Variants in MARCHF1 observed in about 807,000 individuals in gnomAD.
The protein encoded by MARCHF1 is membrane associated ring-CH-type finger 1, also known as E3 ubiquitin-protein ligase MARCHF1.
A neutral mutation model predicts 54.2 loss-of-function variants in MARCHF1; 40 were observed. The observed-to-expected ratio is 0.74, with a 90% CI of 0.57 to 0.96. MARCHF1 has a LOEUF of 0.96. Ranked by LOEUF, MARCHF1 falls within the 40% of genes least tolerant of loss-of-function variation. MARCHF1 has a pLI of 0.00. For synonymous variants in MARCHF1, 236 were observed against 236.3 expected (o/e 1.00, Z 0.01); for missense variants, 586 against 656.5 (o/e 0.89, Z 1.17).
intron 1 of MARCHF1, among the ~76,000 whole-genome samples, chr4:164,366,303 A>T (rs1485319750): frequency 6.6e-6 from 1 of 152,096 alleles, no homozygotes; most frequent in Non-Finnish European, 1.5e-5. Flanking sequence ...ATGCAGATAC[A>T]AACATAGTCC....
chr4:164,375,556 C>G (rs917070402), intron 1 of MARCHF1, among the ~76,000 whole-genome samples: 11 of 152,150 alleles, frequency 7.2e-5, no homozygotes, highest in African/African-American at 2.7e-4. Context: ...GTTCATAACT[C>G]TTAATATTTG....
intron 1 of MARCHF1, among the ~76,000 whole-genome samples, chr4:164,346,111 G>T (rs1233353435): frequency 6.6e-6 from 1 of 152,154 alleles, no homozygotes; most frequent in Non-Finnish European, 1.5e-5. Flanking sequence ...TGCAGCTTAT[G>T]ACCACATTAT....
intron 3 of MARCHF1, among the ~76,000 whole-genome samples, chr4:163,974,333 T>C (rs1752607720): frequency 1.3e-5 from 2 of 152,142 alleles, no homozygotes; most frequent in Admixed American, 1.3e-4. Context: ...CATTAAGAAA[T>C]TGGACTATTC....
intron 9 of MARCHF1, among the ~76,000 whole-genome samples, chr4:163,531,550 C>T (rs1007281906): frequency 2.6e-5 from 4 of 151,838 alleles, no homozygotes; most frequent in Non-Finnish European, 4.4e-5. Flanking sequence ...CAAGGATGTT[C>T]CTTCTTACCA....
In MARCHF1 at chr4:163,963,450, T is replaced by C. The variant is rs183486168; in HGVS notation, c.-39+25051A>G. Among the ~76,000 whole-genome samples, 13 of 152,026 alleles carry C rather than the reference T, an allele frequency of 8.6e-5. No individual in the cohort carries two copies. In the East Asian group the frequency reaches 2.1e-3, roughly 25 times the overall value. The stretch of plus-strand genomic sequence containing the variant: ...TACTATTCTCCTTAGTGAATTACAG[T>C]TTATAAAGGGAAGTTTTATGGATCA... On this transcript the variant is annotated intron_variant, in intron 3 of 9. Coordinates refer to ENST00000514618, the MANE Select transcript of MARCHF1 (RefSeq NM_001394959.1).
intron 2 of MARCHF1, among the ~76,000 whole-genome samples, chr4:164,009,762 A>G (rs1439351520): frequency 6.6e-6 from 1 of 152,134 alleles, no homozygotes; most frequent in Non-Finnish European, 1.5e-5. Flanking sequence ...GTAAAGAAAA[A>G]AAAAGCTCTC....
chr4:163,670,176 T>C (rs1211101027), intron 5 of MARCHF1, among the ~76,000 whole-genome samples: 1 of 152,050 alleles, frequency 6.6e-6, no homozygotes, highest in East Asian at 1.9e-4. Flanking sequence ...AAATATGATA[T>C]AAAATTAGGG....
intron 5 of MARCHF1, among the ~76,000 whole-genome samples, chr4:163,618,038 C>G (rs1246952305): frequency 6.6e-6 from 1 of 152,186 alleles, no homozygotes. Context: ...TTTCTGTCCA[C>G]CATCACAGTG....
rs79875532 is a variant in MARCHF1 at position 163,582,445 on chromosome 4, T to A, written c.1191+3304A>T. On this transcript the variant is annotated intron_variant, in intron 8 of 9. Transcript: ENST00000514618. ...GATTTTGGTGGAGTAAGAGTTGCAA[T>A]TAATGAGGTAACATTTTGCTGATAT... Among the ~76,000 whole-genome samples, 319 of 152,336 alleles carry A rather than the reference T, an allele frequency of 2.1e-3. 2 individuals are homozygous for A. Among genetic ancestry groups the A allele is most frequent in the African/African-American group, 7.3e-3 (305 of 41,580 alleles).
intron 2 of MARCHF1, among the ~76,000 whole-genome samples, chr4:164,034,763 T>G (rs891435189): frequency 1.3e-5 from 2 of 152,196 alleles, no homozygotes; most frequent in African/African-American, 4.8e-5. Context: ...GCCCAATATA[T>G]GTTTTCTTAA....
intron 3 of MARCHF1, among the ~76,000 whole-genome samples, chr4:163,898,986 G>C (rs1750877669): frequency 6.6e-6 from 1 of 152,158 alleles, no homozygotes; most frequent in Non-Finnish European, 1.5e-5. Context: ...GCTAAACAAT[G>C]TGTCCACATG....
At chr4:163,790,376 T>C (rs1471246508) in intron 4 of MARCHF1, among the ~76,000 whole-genome samples, 3 of 152,070 alleles carry the variant, frequency 2.0e-5, no homozygotes, top group African/African-American at 4.8e-5. Flanking sequence ...AACTAACCAC[T>C]TGATAGAAGG....
At chr4:164,255,482 C>T (rs961862274) in intron 1 of MARCHF1, among the ~76,000 whole-genome samples, 7 of 149,958 alleles carry the variant, frequency 4.7e-5, no homozygotes, top group Admixed American at 1.3e-4. Flanking sequence ...TTCAACAACG[C>T]CACGCATGAA....
At chr4:163,617,271 T>C (rs1741545933) in intron 5 of MARCHF1, among the ~76,000 whole-genome samples, 2 of 152,150 alleles carry the variant, frequency 1.3e-5, no homozygotes, top group South Asian at 4.1e-4. Context: ...AGTTAACAGA[T>C]ACAAAATTAC....
chr4:163,725,965 A>G (rs1362373174), intron 4 of MARCHF1, among the ~76,000 whole-genome samples: 4 of 149,864 alleles, frequency 2.7e-5, no homozygotes. Context: ...GATAACAAAT[A>G]TAAGCTACTA....
At chr4:163,988,082 A>G (rs939107780) in intron 3 of MARCHF1, among the ~76,000 whole-genome samples, 2 of 152,216 alleles carry the variant, frequency 1.3e-5, no homozygotes, top group African/African-American at 4.8e-5. Context: ...TTGTTAAGAC[A>G]GTTATATTCA....
At chr4:164,277,031 G>A (rs548951285) in intron 1 of MARCHF1, among the ~76,000 whole-genome samples, 7 of 150,774 alleles carry the variant, frequency 4.6e-5, no homozygotes, top group Admixed American at 2.6e-4. Flanking sequence ...TGAGTTCCAC[G>A]GTGTTGAGAG....
chr4:164,315,050 C>A (rs1734959633), intron 1 of MARCHF1, among the ~76,000 whole-genome samples: 1 of 151,942 alleles, frequency 6.6e-6, no homozygotes, highest in African/African-American at 2.4e-5. Context: ...AAGAGTTATG[C>A]CACAGTTTAC....
At chr4:163,618,706 T>G (rs1741589228) in intron 5 of MARCHF1, among the ~76,000 whole-genome samples, 1 of 152,158 alleles carries the variant, frequency 6.6e-6, no homozygotes, top group Non-Finnish European at 1.5e-5. Context: ...GTCGATTCAT[T>G]TGCTCAGCAA....
Sources: allele counts gnomAD v4.1 joint callset (sites outside exome capture counted in the v4.1 genomes callset), GRCh38; gene constraint gnomAD v4.1.1; transcripts MANE v1.5; gene names NCBI Gene and HGNC (gene_info 2026-07-23, HGNC 2026-07-21).